Variants in WDR70 observed in about 807,000 individuals in gnomAD.
WDR70 encodes the protein WD repeat-containing protein 70.
In WDR70, 53 loss-of-function variants were observed where a neutral mutation model predicts 88.6. The observed-to-expected ratio is 0.60, with a 90% CI of 0.48 to 0.75. The LOEUF (loss-of-function observed/expected upper bound fraction) is 0.75, where lower values mean the gene tolerates loss of function less well. WDR70 is among the 30% of genes least tolerant of loss of function. The pLI is 0.00. For missense variants in WDR70, 610 were observed against 823.2 expected, an observed-to-expected ratio of 0.74 and a Z score of 3.17; for synonymous variants, 280 against 270.0, an observed-to-expected ratio of 1.04 and a Z score of -0.36.
At chr5:37,473,278 A>G (rs1739382363) in intron 7 of WDR70, among the ~76,000 whole-genome samples, 1 of 150,666 alleles carries the variant, frequency 6.6e-6, no homozygotes. Context: ...ACACGTACAC[A>G]CACAGCAATA....
intron 9 of WDR70, among the ~76,000 whole-genome samples, chr5:37,544,959 T>G (rs967040974): frequency 6.6e-6 from 1 of 152,130 alleles, no homozygotes; most frequent in African/African-American, 2.4e-5. Flanking sequence ...AAAGTAAACT[T>G]TTCTGTAACT....
At chr5:37,691,768 A>G (rs1018314395) in intron 10 of WDR70, among the ~76,000 whole-genome samples, 7 of 152,234 alleles carry the variant, frequency 4.6e-5, no homozygotes, top group Non-Finnish European at 7.3e-5. Context: ...GGAAAGATCT[A>G]AAATTGACAC....
At chr5:37,685,223 G>C (rs1266426935) in intron 10 of WDR70, among the ~76,000 whole-genome samples, 2 of 152,136 alleles carry the variant, frequency 1.3e-5, no homozygotes, top group Non-Finnish European at 2.9e-5. Flanking sequence ...GCTCTTACCA[G>C]TAACAGTGTT....
Position 37,540,248 on chromosome 5 carries a change from A to C in WDR70, c.917+23658A>C, listed in dbSNP as rs1164383700. Among the ~76,000 whole-genome samples, 12 of 152,354 alleles carry C rather than the reference A, an allele frequency of 7.9e-5. No individual in the cohort carries two copies. The South Asian group carries it at 1.2e-3, about 16-fold the overall frequency. On this transcript the variant is annotated intron_variant, in intron 9 of 17. Transcript: ENST00000265107. ...AATACGTTTGCTGAATGATTGTAAG[A>C]ATGCTTGATGTTTGGCTGCAAAGCT...
At chr5:37,427,462 A>G (rs1750166071) in intron 5 of WDR70, among the ~76,000 whole-genome samples, 1 of 152,206 alleles carries the variant, frequency 6.6e-6, no homozygotes, top group Admixed American at 6.5e-5. Flanking sequence ...ATAGACGTGT[A>G]TATGTACATA....
In WDR70 at chr5:37,734,747, G is replaced by A. The variant is rs141902214; in HGVS notation, c.1877+7702G>A. ...GGGAGTGAGCCATGCAAATACCTAG[G>A]GGAAGAGCATCCCATGCAGCGAACA... On this transcript the variant is annotated intron_variant, in intron 17 of 17. Transcript: ENST00000265107. Among the ~76,000 whole-genome samples the A allele has an allele frequency of 5.7e-3, 872 of 152,062 alleles. 5 individuals are homozygous for A. The highest frequency in any genetic ancestry group is 0.017 in the Middle Eastern group (5 of 294).
intron 5 of WDR70, among the ~76,000 whole-genome samples, chr5:37,433,144 C>A (rs1039955582): frequency 6.6e-6 from 1 of 151,812 alleles, no homozygotes; most frequent in Non-Finnish European, 1.5e-5. Flanking sequence ...CATTGCAACC[C>A]TCACCTCCTA....
At chr5:37,385,815 A>AT (rs910070686) in intron 3 of WDR70, among the ~76,000 whole-genome samples, 1 of 121,236 alleles carries the variant, frequency 8.2e-6, no homozygotes, top group African/African-American at 7.5e-5. Flanking sequence ...ATATATATAT[A>AT]TTTTTTGAGA....
chr5:37,673,381 A>G (rs535931527), intron 10 of WDR70, among the ~76,000 whole-genome samples: 1 of 152,192 alleles, frequency 6.6e-6, no homozygotes, highest in Admixed American at 6.5e-5. Context: ...ATGTGTTTTT[A>G]TAATAGAACC....
At chr5:37,419,301 G>T (rs1443155316) in intron 5 of WDR70, among the ~76,000 whole-genome samples, 1 of 151,248 alleles carries the variant, frequency 6.6e-6, no homozygotes, top group East Asian at 2.0e-4. Context: ...CCGTCCTGGG[G>T]TTCAAGCGAT....
chr5:37,705,287 A>T (rs1012365610), intron 13 of WDR70, among the ~76,000 whole-genome samples: 13 of 152,192 alleles, frequency 8.5e-5, no homozygotes, highest in Non-Finnish European at 1.9e-4. Flanking sequence ...GGATAGAAAA[A>T]TGAGCCCTAA....
At chr5:37,485,858 ATTTT>A (rs57109943) in intron 8 of WDR70, among the ~76,000 whole-genome samples, 1 of 108,290 alleles carries the variant, frequency 9.2e-6, no homozygotes, top group Middle Eastern at 5.2e-3. Context: ...TGCCTGGCTA[ATTTT>A]TTTTTTTTTT....
chr5:37,500,783 T>C (rs549364306), intron 8 of WDR70, among the ~76,000 whole-genome samples: 12 of 136,476 alleles, frequency 8.8e-5, no homozygotes, highest in Non-Finnish European at 1.9e-4. Flanking sequence ...TGGAGTGCAA[T>C]GGCGCGATCT....
chr5:37,601,436 G>A (rs564032578), intron 9 of WDR70, among the ~76,000 whole-genome samples: 1 of 152,244 alleles, frequency 6.6e-6, no homozygotes, highest in South Asian at 2.1e-4. Context: ...ACATTTTTGT[G>A]ATGATTCTTG....
At chr5:37,749,598 T>A (rs546799009) in intron 17 of WDR70, among the ~76,000 whole-genome samples, 12 of 152,256 alleles carry the variant, frequency 7.9e-5, no homozygotes, top group Non-Finnish European at 1.5e-4. Flanking sequence ...AATGTGGCCA[T>A]TTTGCTGGCA....
intron 8 of WDR70, among the ~76,000 whole-genome samples, chr5:37,511,365 A>G (rs2112243696): frequency 6.6e-6 from 1 of 151,960 alleles, no homozygotes; most frequent in South Asian, 2.1e-4. Flanking sequence ...TAACTATTCC[A>G]GATTTAGCCA....
intron 5 of WDR70, among the ~76,000 whole-genome samples, chr5:37,410,413 T>C (rs1472901073): frequency 1.3e-5 from 2 of 151,920 alleles, no homozygotes; most frequent in Admixed American, 1.3e-4. Flanking sequence ...TTTCTGCTTG[T>C]TAAAATTCTG....
chr5:37,480,043 C>T, intron 8 of WDR70, 56 bp downstream of exon 8: 1 of 1,546,280 alleles, frequency 6.5e-7, no homozygotes, highest in South Asian at 1.2e-5. Flanking sequence ...TTATTAACAA[C>T]TATTTGAGTT....
intron 17 of WDR70, among the ~76,000 whole-genome samples, chr5:37,747,652 G>A (rs2366671): frequency 0.72 from 109,702 of 152,078 alleles, 44,755 homozygotes; most frequent in East Asian, 0.93. Flanking sequence ...TCTGGCTGGG[G>A]CAATCAGGCA....
Sources: gnomAD v4.1 joint callset for allele counts (sites outside exome capture counted in the v4.1 genomes callset) on GRCh38, gnomAD v4.1.1 for gene constraint, MANE v1.5 for transcripts, NCBI Gene and HGNC (gene_info 2026-07-23, HGNC 2026-07-21) for gene names.